Variants in DNAJC10 observed in about 807,000 individuals in gnomAD.
DNAJC10 encodes DnaJ heat shock protein family (Hsp40) member C10, also known as endoplasmic reticulum disulfide reductase DNAJC10.
Under a neutral mutation model 115.0 loss-of-function variants are expected in DNAJC10, and 101 were observed. The observed-to-expected ratio is 0.88, with a 90% CI of 0.75 to 1.04. The LOEUF (loss-of-function observed/expected upper bound fraction) is 1.04, where lower values mean the gene tolerates loss of function less well. Ranked by LOEUF, DNAJC10 falls within the 50% of genes least tolerant of loss-of-function variation. The probability of loss-of-function intolerance (pLI) is 0.00; values close to 1 mark genes in which losing one functional copy is unlikely to be tolerated. For synonymous variants in DNAJC10, 307 were observed against 301.5 expected (o/e 1.02, Z -0.19); for missense variants, 981 against 928.8 (o/e 1.06, Z -0.73).
Position 182,755,092 on chromosome 2 carries a change from G to A in DNAJC10, c.1641G>A (p.Leu547=). The A allele has an allele frequency of 1.9e-6, 3 of 1,592,500 alleles. No individual in the cohort carries two copies. The highest frequency in any genetic ancestry group is 2.6e-6 in the Non-Finnish European group (3 of 1,160,684). The part of the protein sequence containing the change: ...YEGHHSAEQI[L]EFIEDLMNPS... ...GACATCACTCTGCTGAACAAATCTT[G>A]GAGTTCATAGAGGTATTTCAGATTA... Residue 547 remains leucine, a synonymous_variant, in exon 17 of 24, where the codon TTG becomes TTA. Coordinates refer to ENST00000264065, the MANE Select transcript of DNAJC10 (RefSeq NM_018981.4).
rs571531651 is a variant in DNAJC10 at position 182,719,009 on chromosome 2, A to G, written c.204+719A>G. On this transcript the variant is annotated intron_variant, in intron 3 of 23. Coordinates refer to ENST00000264065, the MANE Select transcript of DNAJC10 (RefSeq NM_018981.4). ...TGCATAAAGCTGAGCAAGAGAAACA[A>G]TATTTCTTTAAATATTGTTTAGTTG... is the stretch of plus-strand genomic sequence containing the variant. Among the ~76,000 whole-genome samples, 5 of 152,116 alleles carry G rather than the reference A, an allele frequency of 3.3e-5. No homozygotes were observed. In the South Asian group the frequency reaches 6.2e-4, roughly 19 times the overall value.
intron 10 of DNAJC10, among the ~76,000 whole-genome samples, chr2:182,733,994 G>A (rs1021632734): frequency 2.0e-5 from 3 of 150,290 alleles, no homozygotes; most frequent in African/African-American, 2.4e-5. Flanking sequence ...TTTTGTGTGT[G>A]TGTCTCATGT....
chr2:182,766,221 A>G (rs554092710), intron 22 of DNAJC10, among the ~76,000 whole-genome samples: 3 of 152,314 alleles, frequency 2.0e-5, no homozygotes, highest in Admixed American at 2.0e-4. Context: ...AATCATGATC[A>G]GCTGGACTCG....
intron 22 of DNAJC10, among the ~76,000 whole-genome samples, chr2:182,774,570 C>T (rs1694653392): frequency 6.6e-6 from 1 of 152,230 alleles, no homozygotes; most frequent in African/African-American, 2.4e-5. Context: ...ACACCCCTCC[C>T]CCAGCCAGGC....
At chr2:182,747,343 T>C (rs1693895132) in intron 14 of DNAJC10, among the ~76,000 whole-genome samples, 1 of 152,222 alleles carries the variant, frequency 6.6e-6, no homozygotes. Flanking sequence ...TGTCACAATA[T>C]TGAGTCTTCC....
At chr2:182,749,021 T>C (rs1406612923) in intron 14 of DNAJC10, among the ~76,000 whole-genome samples, 2 of 151,952 alleles carry the variant, frequency 1.3e-5, no homozygotes, top group Non-Finnish European at 2.9e-5. Flanking sequence ...GTCTGAGAGA[T>C]AGTTTGTTAT....
chr2:182,724,304 C>T (rs1693227758), intron 5 of DNAJC10, among the ~76,000 whole-genome samples: 1 of 151,978 alleles, frequency 6.6e-6, no homozygotes. Context: ...GCCAATAGTG[C>T]AGTTTATATT....
rs567196974 is a variant in DNAJC10, at chr2:182,781,212, G to A, written c.*4080G>A. On this transcript the variant is annotated 3_prime_UTR_variant, in exon 24 of 24. Coordinates refer to ENST00000264065, the MANE Select transcript of DNAJC10 (RefSeq NM_018981.4). ...AACTCCCACTTACGAGTGACAACAT[G>A]TGGTGTTTGGTTTTCTGTTCCTGTT... The A allele has an allele frequency of 6.6e-6, 1 of 152,072 alleles. No individual in the cohort carries two copies. Among genetic ancestry groups the A allele is most frequent in the Non-Finnish European group, 1.5e-5 (1 of 68,032 alleles). The allele number at this position is 152,072 out of a possible 1,614,324, so 9.4% of individuals were successfully genotyped here.
rs1559035169 is a variant in DNAJC10 at position 182,786,146 on chromosome 2, A to G, written c.*9014A>G. On this transcript the variant is annotated 3_prime_UTR_variant, in exon 24 of 24. Transcript: ENST00000264065. Reference sequence around the variant, plus strand: ...AGTTTTAATTTCAGAAACGCAAAATATTGTTTTTACAACTAAGATAACATT... The same window carrying G: ...AGTTTTAATTTCAGAAACGCAAAATGTTGTTTTTACAACTAAGATAACATT... 2 of 152,188 alleles carry G rather than the reference A, an allele frequency of 1.3e-5. No homozygotes were observed. Among genetic ancestry groups the G allele is most frequent in the African/African-American group, 4.8e-5 (2 of 41,438 alleles). The allele number at this position is 152,188 out of a possible 1,614,324, so 9.4% of individuals were successfully genotyped here.
Position 182,784,488 on chromosome 2 carries a change from TAGA to T in DNAJC10, c.*7359_*7361del, listed in dbSNP as rs1396544019. The T allele has an allele frequency of 5.9e-5, 9 of 152,184 alleles. No individual in the cohort carries two copies. Among genetic ancestry groups the T allele is most frequent in the African/African-American group, 2.2e-4 (9 of 41,448 alleles). 9.4% of individuals were successfully genotyped at this position (152,184 alleles called of 1,614,324 possible). A position where few individuals can be genotyped will look rare whatever the true frequency, so the allele number is the denominator to read the frequency against. On this transcript the variant is annotated 3_prime_UTR_variant, in exon 24 of 24. Transcript: ENST00000264065. ...CAGAACCTAGCACATTGTTGACCCG[TAGA>T]AGCACAGTGTGTATTTCAATTGACA... is the stretch of plus-strand genomic sequence containing the variant.
In DNAJC10 at chr2:182,794,238, A is replaced by G. The variant is rs920098048; in HGVS notation, c.*17106A>G. 1.3e-5 allele frequency: 2 copies of G among 152,208 alleles called. No individual in the cohort carries two copies. The highest frequency in any genetic ancestry group is 1.5e-5 in the Non-Finnish European group (1 of 68,042). The allele number at this position is 152,208 out of a possible 1,614,324, so 9.4% of individuals were successfully genotyped here. A position where few individuals can be genotyped will look rare whatever the true frequency, so the allele number is the denominator to read the frequency against. Reference sequence around the variant, plus strand: ...GTCTCTGAGGAGAAAGAATGAGGCAATAAGTCAGATGCGTATTTGCGGACC... The same window carrying G: ...GTCTCTGAGGAGAAAGAATGAGGCAGTAAGTCAGATGCGTATTTGCGGACC... On this transcript the variant is annotated 3_prime_UTR_variant, in exon 24 of 24. Coordinates refer to ENST00000264065, the MANE Select transcript of DNAJC10 (RefSeq NM_018981.4).
chr2:182,762,400 G>A (rs1694308538), intron 21 of DNAJC10, among the ~76,000 whole-genome samples: 1 of 152,090 alleles, frequency 6.6e-6, no homozygotes, highest in Admixed American at 6.6e-5. Context: ...TTTATGGTAT[G>A]ATGTGCCAGT....
At chr2:182,739,607 A>T in intron 11 of DNAJC10, 2 of 1,166,640 alleles carry the variant, frequency 1.7e-6, no homozygotes, top group South Asian at 1.8e-5. Flanking sequence ...TATGCTGAGG[A>T]TAAAATATTG....
intron 11 of DNAJC10, among the ~76,000 whole-genome samples, chr2:182,737,079 T>C (rs553060686): frequency 6.6e-6 from 1 of 152,326 alleles, no homozygotes; most frequent in Admixed American, 6.5e-5. Flanking sequence ...GTTAAAAATA[T>C]AGATCAGTGG....
At chr2:182,721,914 A>G (rs548011251) in intron 4 of DNAJC10, 111 bp from the exon 5 acceptor site, 8 of 578,882 alleles carry the variant, frequency 1.4e-5, no homozygotes, top group African/African-American at 1.4e-4. Flanking sequence ...AGTTTGAGAT[A>G]TAATATAGTA....
intron 12 of DNAJC10, among the ~76,000 whole-genome samples, chr2:182,740,703 C>G (rs377686146): frequency 5.9e-5 from 9 of 152,146 alleles, no homozygotes; most frequent in South Asian, 2.1e-4. Flanking sequence ...GCTTACAGAA[C>G]GGATTATATT....
intron 16 of DNAJC10, among the ~76,000 whole-genome samples, chr2:182,754,049 C>T (rs1265040935): frequency 6.6e-6 from 1 of 152,192 alleles, no homozygotes; most frequent in Non-Finnish European, 1.5e-5. Context: ...GTTACTTAGC[C>T]TCTCAGTAAC....
chr2:182,769,362 A>G (rs868275025), intron 22 of DNAJC10, among the ~76,000 whole-genome samples: 1 of 152,116 alleles, frequency 6.6e-6, no homozygotes, highest in Non-Finnish European at 1.5e-5. Context: ...TGCTGGGTAA[A>G]ATGGTAATTC....
rs1056896357 is a variant in DNAJC10, at chr2:182,788,786, C to T, written c.*11654C>T. ...CTATTCAGAAGTTTTCTAAAATGGA[C>T]TTCAAGCTCTATGACTTTATGATCA... On this transcript the variant is annotated 3_prime_UTR_variant, in exon 24 of 24. Coordinates refer to ENST00000264065, the MANE Select transcript of DNAJC10 (RefSeq NM_018981.4). The T allele has an allele frequency of 2.2e-6, 1 of 454,762 alleles. No individual in the cohort carries two copies. The allele number at this position is 454,762 out of a possible 1,614,324, so 28.2% of individuals were successfully genotyped here.
Sources: allele counts gnomAD v4.1 joint callset (sites outside exome capture counted in the v4.1 genomes callset), GRCh38; gene constraint gnomAD v4.1.1; transcripts MANE v1.5; gene names NCBI Gene and HGNC (gene_info 2026-07-23, HGNC 2026-07-21).